FGF14: variants seen among roughly 807,000 people sequenced by gnomAD.
FGF14 encodes the protein fibroblast growth factor homologous factor 4.
Under a neutral mutation model 25.5 loss-of-function variants are expected in FGF14, and 5 were observed. That is an observed-to-expected ratio of 0.20 (90% CI 0.10 to 0.41). The LOEUF is 0.41. Ranked by LOEUF, FGF14 falls within the 10% of genes least tolerant of loss-of-function variation. The pLI, the probability that FGF14 is intolerant of heterozygous loss-of-function variation, is 1.00. For missense variants in FGF14, 222 were observed against 320.1 expected, an observed-to-expected ratio of 0.69 and a Z score of 2.34; for synonymous variants, 138 against 118.3, an observed-to-expected ratio of 1.17 and a Z score of -1.08.
intron 1 of FGF14, among the ~76,000 whole-genome samples, chr13:102,349,041 G>A (rs183545189): frequency 3.6e-4 from 55 of 152,154 alleles, no homozygotes; most frequent in Admixed American, 1.1e-3. Flanking sequence ...GACCTTTTTG[G>A]TTGTCAAAAC....
intron 1 of FGF14, among the ~76,000 whole-genome samples, chr13:102,284,767 A>C (rs2054011865): frequency 6.6e-6 from 1 of 152,174 alleles, no homozygotes; most frequent in Non-Finnish European, 1.5e-5. Flanking sequence ...GATGCAGACA[A>C]TCCTACTTTT....
At chr13:102,100,975 T>G (rs1231728331) in intron 1 of FGF14, among the ~76,000 whole-genome samples, 1 of 152,158 alleles carries the variant, frequency 6.6e-6, no homozygotes, top group South Asian at 2.1e-4. Context: ...GGTGGGTGCC[T>G]GTAATCCCAG....
At chr13:101,917,692 T>C (rs374409644), upstream of FGF14, among the ~76,000 whole-genome samples, 7 of 151,952 alleles carry the variant, frequency 4.6e-5, no homozygotes, top group African/African-American at 1.4e-4. Flanking sequence ...CCACCCAAAC[T>C]TGCAGGACCC....
chr13:101,833,159 T>C (rs564747104), intron 3 of FGF14, among the ~76,000 whole-genome samples: 19 of 152,104 alleles, frequency 1.2e-4, no homozygotes, highest in African/African-American at 4.1e-4. Context: ...ATGCAGTGCA[T>C]ACCCCATTCT....
At chr13:101,849,696 T>C (rs1045269702) in intron 3 of FGF14, among the ~76,000 whole-genome samples, 2 of 152,072 alleles carry the variant, frequency 1.3e-5, no homozygotes, top group Non-Finnish European at 2.9e-5. Flanking sequence ...TGGCTGAGCA[T>C]AGTTTAGGTG....
intron 1 of FGF14, among the ~76,000 whole-genome samples, chr13:102,290,296 C>T (rs1357785515): frequency 6.6e-6 from 1 of 152,152 alleles, no homozygotes; most frequent in African/African-American, 2.4e-5. Context: ...GGAAAAGGCA[C>T]TGTCTAAGAG....
At chr13:101,797,938 A>C (rs1272188588) in intron 3 of FGF14, among the ~76,000 whole-genome samples, 4 of 152,134 alleles carry the variant, frequency 2.6e-5, no homozygotes, top group Admixed American at 2.0e-4. Flanking sequence ...TAAAGACAAC[A>C]ACAAAGAATT....
chr13:102,229,170 T>C (rs1198945630), intron 1 of FGF14, among the ~76,000 whole-genome samples: 1 of 152,200 alleles, frequency 6.6e-6, no homozygotes, highest in Non-Finnish European at 1.5e-5. Flanking sequence ...CAGCAGACTT[T>C]GTGAGTTTTG....
intron 1 of FGF14, among the ~76,000 whole-genome samples, chr13:102,290,968 A>C (rs1390550936): frequency 6.6e-6 from 1 of 152,204 alleles, no homozygotes; most frequent in Non-Finnish European, 1.5e-5. Flanking sequence ...TTAGGGGAGC[A>C]TAAGATGTTG....
At chr13:102,018,766 T>A (rs2040481711) in intron 1 of FGF14, among the ~76,000 whole-genome samples, 1 of 148,894 alleles carries the variant, frequency 6.7e-6, no homozygotes, top group Non-Finnish European at 1.5e-5. Flanking sequence ...AAGTTGTTCA[T>A]CTACTCTGGC....
At chr13:101,993,551 G>A (rs2039018513) in intron 1 of FGF14, among the ~76,000 whole-genome samples, 1 of 152,054 alleles carries the variant, frequency 6.6e-6, no homozygotes, top group Non-Finnish European at 1.5e-5. Flanking sequence ...TGGCAGCAGT[G>A]TAATAGCGAT....
chr13:101,900,106 AAAG>A (rs2031331028), intron 1 of FGF14, among the ~76,000 whole-genome samples: 1 of 152,156 alleles, frequency 6.6e-6, no homozygotes, highest in Non-Finnish European at 1.5e-5. Context: ...ATCCTAAGTG[AAAG>A]AAATCACAGA....
chr13:102,281,512 C>G (rs1330404835), intron 1 of FGF14, among the ~76,000 whole-genome samples: 1 of 152,038 alleles, frequency 6.6e-6, no homozygotes, highest in African/African-American at 2.4e-5. Context: ...TGACCTGACT[C>G]TACTCCACCA....
rs1198185752 is a variant in FGF14, at chr13:101,711,983, C to T, written c.*10848G>A. On this transcript the variant is annotated 3_prime_UTR_variant, in exon 5 of 5. Coordinates refer to ENST00000376143, the MANE Select transcript of FGF14 (RefSeq NM_004115.4). Reference sequence around the variant, plus strand: ...GAACCATTTCTCACCTCTTGATAGTCATGCAGCCTACATCTGTCTGATGGA... The same window carrying T: ...GAACCATTTCTCACCTCTTGATAGTTATGCAGCCTACATCTGTCTGATGGA... 1 of 152,194 alleles carries T rather than the reference C, an allele frequency of 6.6e-6. No homozygotes were observed. The highest frequency in any genetic ancestry group is 1.5e-5 in the Non-Finnish European group (1 of 68,062). The allele number at this position is 152,194 out of a possible 1,614,324, so 9.4% of individuals were successfully genotyped here.
At chr13:101,966,104 A>G (rs184803600) in intron 1 of FGF14, among the ~76,000 whole-genome samples, 4 of 152,330 alleles carry the variant, frequency 2.6e-5, no homozygotes, top group South Asian at 2.1e-4. Flanking sequence ...CTAAAAAATG[A>G]TAAGTTGAAG....
intron 3 of FGF14, among the ~76,000 whole-genome samples, chr13:101,734,189 A>G (rs2036017255): frequency 6.6e-6 from 1 of 152,180 alleles, no homozygotes; most frequent in African/African-American, 2.4e-5. Flanking sequence ...AGGTGACTGT[A>G]TGCACATTAA....
In FGF14 at chr13:101,845,147, C is replaced by T. The variant is rs553392708; in HGVS notation, c.408+23578G>A. On this transcript the variant is annotated intron_variant, in intron 3 of 4. Coordinates refer to ENST00000376143, the MANE Select transcript of FGF14 (RefSeq NM_004115.4). Reference sequence around the variant, plus strand: ...AGACAATAATACAGTACGCCTTCATCGGTGAAGCAAAATTTCCTGAAAAAT... The same window carrying T: ...AGACAATAATACAGTACGCCTTCATTGGTGAAGCAAAATTTCCTGAAAAAT... Among the ~76,000 whole-genome samples the T allele has an allele frequency of 6.6e-5, 10 of 152,052 alleles. No homozygotes were observed. In the South Asian group the frequency reaches 1.0e-3, roughly 16 times the overall value.
intron 1 of FGF14, among the ~76,000 whole-genome samples, chr13:102,359,875 A>G (rs527740374): frequency 6.6e-6 from 1 of 151,768 alleles, no homozygotes; most frequent in African/African-American, 2.4e-5. Flanking sequence ...AAACAGTCCA[A>G]GGGGAAAATA....
At chr13:102,346,822 A>G (rs1442392957) in intron 1 of FGF14, among the ~76,000 whole-genome samples, 1 of 152,178 alleles carries the variant, frequency 6.6e-6, no homozygotes, top group East Asian at 1.9e-4. Flanking sequence ...GCATCATGTG[A>G]CTAGCGAGGC....
Sources: gnomAD v4.1 joint callset for allele counts (sites outside exome capture counted in the v4.1 genomes callset) on GRCh38, gnomAD v4.1.1 for gene constraint, MANE v1.5 for transcripts, NCBI Gene and HGNC (gene_info 2026-07-23, HGNC 2026-07-21) for gene names.